The following GSTO2 variants were observed in gnomAD, a reference collection of about 807,000 sequenced individuals.
GSTO2 encodes glutathione S-transferase omega-2.
Under a neutral mutation model 28.4 loss-of-function variants are expected in GSTO2, and 23 were observed. The ratio of observed to expected loss-of-function variants is 0.81; its 90% CI spans 0.58 to 1.15. GSTO2 has a LOEUF of 1.15. Among genes scored for constraint, GSTO2 ranks in the 50% most tolerant of loss-of-function variants. The probability of loss-of-function intolerance (pLI) is 0.00; values close to 1 mark genes in which losing one functional copy is unlikely to be tolerated. For synonymous variants in GSTO2, 109 were observed against 111.0 expected, an observed-to-expected ratio of 0.98 and a Z score of 0.11; for missense variants, 298 against 297.8, an observed-to-expected ratio of 1.00 and a Z score of 0.00.
intron 1 of GSTO2, among the ~76,000 whole-genome samples, chr10:104,272,608 T>C: frequency 1.9e-5 from 1 of 52,436 alleles, no homozygotes; most frequent in Non-Finnish European, 4.3e-5. Flanking sequence ...TTTTTTTTTT[T>C]TTTTTTTTTT....
Position 104,279,861 on chromosome 10 carries a change from C to T in GSTO2, c.468+390C>T, listed in dbSNP as rs566542141. Among the ~76,000 whole-genome samples, 10 of 152,136 alleles carry T rather than the reference C, an allele frequency of 6.6e-5. No individual in the cohort carries two copies. The South Asian group carries it at 1.0e-3, about 16-fold the overall frequency. On this transcript the variant is annotated intron_variant, in intron 5 of 6. Coordinates refer to ENST00000338595, the MANE Select transcript of GSTO2 (RefSeq NM_183239.2). ...CTCTCTCACATAACATTCTTTCTCACGTATTATAAGGGTTTATTCTCACAC... is the reference window on the plus strand; with the variant it reads ...CTCTCTCACATAACATTCTTTCTCATGTATTATAAGGGTTTATTCTCACAC...
intron 1 of GSTO2, 87 bp from the exon 2 acceptor site, chr10:104,274,598 A>G: frequency 2.1e-6 from 1 of 469,344 alleles, no homozygotes; most frequent in Non-Finnish European, 3.7e-6. Flanking sequence ...CTTGATGTAG[A>G]GGAGGCCCCT....
At chr10:104,287,366 A>T (rs1359032357) in intron 5 of GSTO2, among the ~76,000 whole-genome samples, 1 of 152,212 alleles carries the variant, frequency 6.6e-6, no homozygotes, top group Non-Finnish European at 1.5e-5. Context: ...AATTTTTATA[A>T]ACTCTGTAAA....
At chr10:104,287,048 C>G (rs1351710170) in intron 5 of GSTO2, among the ~76,000 whole-genome samples, 1 of 152,102 alleles carries the variant, frequency 6.6e-6, no homozygotes, top group East Asian at 1.9e-4. Flanking sequence ...TAAATATTCC[C>G]CACACCCCCT....
chr10:104,300,904 C>T lies in GSTO2; in HGVS notation c.*1620C>T, dbSNP rs2013239310. ...TCTGCTGGCTCTGGGTATATTTTGA[C>T]CCATGTAAATAGTTACCAGGTGTTA... On this transcript the variant is annotated 3_prime_UTR_variant, in exon 7 of 7. Coordinates refer to ENST00000338595, the MANE Select transcript of GSTO2 (RefSeq NM_183239.2). The T allele has an allele frequency of 6.6e-6, 1 of 152,354 alleles. No individual in the cohort carries two copies. Among genetic ancestry groups the T allele is most frequent in the Non-Finnish European group, 1.5e-5 (1 of 68,150 alleles). The allele number at this position is 152,354 out of a possible 1,614,324, so 9.4% of individuals were successfully genotyped here. A position where few individuals can be genotyped will look rare whatever the true frequency, so the allele number is the denominator to read the frequency against.
At chr10:104,289,261 A>G (rs907765944) in intron 5 of GSTO2, among the ~76,000 whole-genome samples, 2 of 151,978 alleles carry the variant, frequency 1.3e-5, no homozygotes, top group Non-Finnish European at 2.9e-5. Context: ...TGCCTGGCTA[A>G]TTTTGTGTAT....
rs538213779 is a variant in GSTO2 at position 104,271,458 on chromosome 10, C to T, written c.-232+2189C>T. 6.6e-4 allele frequency among the ~76,000 whole-genome samples: 101 copies of T among 152,254 alleles called. 1 individual carries two copies. The South Asian group carries it at 9.6e-3, about 14-fold the overall frequency. Reference sequence around the variant, plus strand: ...TGACGATGCCCTGGACTATTTGATTCGATACTCACAATTCATAAAGTAGGT... The same window carrying T: ...TGACGATGCCCTGGACTATTTGATTTGATACTCACAATTCATAAAGTAGGT... On this transcript the variant is annotated intron_variant, in intron 1 of 6. Coordinates refer to ENST00000338595, the MANE Select transcript of GSTO2 (RefSeq NM_183239.2).
chr10:104,275,293 T>G lies in GSTO2; in HGVS notation c.102T>G (p.Tyr34Ter). Reference sequence around the variant, plus strand: ...TCTACAGCATGAGGTTCTGCCCCTATTCTCACAGGACCCGCCTCGTCCTCA... The same window carrying G: ...TCTACAGCATGAGGTTCTGCCCCTAGTCTCACAGGACCCGCCTCGTCCTCA... ...IRIYSMRFCP[Y>*]SHRTRLVLKA... is the part of the protein sequence containing the mutation. The change falls in exon 3 of 7, where the codon TAT becomes TAG. Residue 34 changes from tyrosine (Y) to a stop codon, truncating the protein, a stop_gained. Transcript: ENST00000338595. LOFTEE classifies it high-confidence loss of function. 6.2e-7 allele frequency: 1 copy of G among 1,614,084 alleles called. No homozygotes were observed. The highest frequency in any genetic ancestry group is 8.5e-7 in the Non-Finnish European group (1 of 1,179,994).
chr10:104,272,771 G>A (rs1355252402), intron 1 of GSTO2, among the ~76,000 whole-genome samples: 23 of 151,600 alleles, frequency 1.5e-4, no homozygotes, highest in African/African-American at 5.1e-4. Flanking sequence ...CTGCCACCGC[G>A]CCCGGCTAAT....
intron 5 of GSTO2, among the ~76,000 whole-genome samples, chr10:104,285,619 T>C (rs1416887147): frequency 3.3e-5 from 5 of 152,060 alleles, no homozygotes; most frequent in Non-Finnish European, 7.4e-5. Context: ...CCAACTGTTT[T>C]GTTTTTGTTT....
chr10:104,281,908 A>G lies in GSTO2; in HGVS notation c.468+2437A>G, dbSNP rs539926921. Among the ~76,000 whole-genome samples the G allele has an allele frequency of 2.2e-3, 337 of 152,242 alleles. 1 individual carries two copies. The highest frequency in any genetic ancestry group is 7.4e-3 in the African/African-American group (309 of 41,530). ...TTGACTCTTAGGATGAATTAGAGGC[A>G]CAAGGGTGAGAGCCTGGTGTGTTCG... On this transcript the variant is annotated intron_variant, in intron 5 of 6. Transcript: ENST00000338595.
intron 5 of GSTO2, among the ~76,000 whole-genome samples, chr10:104,281,605 T>G (rs2012046184): frequency 6.6e-6 from 1 of 152,202 alleles, no homozygotes; most frequent in African/African-American, 2.4e-5. Context: ...GTGCCATGAA[T>G]CGTGCTGCAG....
At chr10:104,294,693 A>C (rs1310560158) in intron 5 of GSTO2, among the ~76,000 whole-genome samples, 1 of 152,218 alleles carries the variant, frequency 6.6e-6, no homozygotes, top group Non-Finnish European at 1.5e-5. Context: ...GGGACTGGTG[A>C]AGGATCACCG....
At chr10:104,284,980 C>T (rs1589866339) in intron 5 of GSTO2, among the ~76,000 whole-genome samples, 1 of 152,022 alleles carries the variant, frequency 6.6e-6, no homozygotes, top group East Asian at 1.9e-4. Context: ...CTGAAATAGC[C>T]CTGAGGGATG....
chr10:104,288,048 C>T (rs546512995), intron 5 of GSTO2, among the ~76,000 whole-genome samples: 4 of 151,928 alleles, frequency 2.6e-5, no homozygotes, highest in South Asian at 4.2e-4. Flanking sequence ...CCACCACGCC[C>T]GGCTAATTTC....
intron 3 of GSTO2, 31 bp from the exon 4 acceptor site, chr10:104,277,863 G>T (rs1210747065): frequency 1.3e-6 from 2 of 1,488,032 alleles, no homozygotes; most frequent in Admixed American, 1.7e-5. Context: ...TCTCATTTTT[G>T]TTCTGTCTTG....
intron 5 of GSTO2, among the ~76,000 whole-genome samples, chr10:104,289,252 G>C (rs1291366067): frequency 6.6e-6 from 1 of 152,004 alleles, no homozygotes; most frequent in Admixed American, 6.6e-5. Flanking sequence ...GCACCACTAT[G>C]CCTGGCTAAT....
intron 1 of GSTO2, among the ~76,000 whole-genome samples, chr10:104,272,380 T>G (rs1188894362): frequency 6.6e-6 from 1 of 152,078 alleles, no homozygotes; most frequent in Non-Finnish European, 1.5e-5. Flanking sequence ...AAGCCTGAAA[T>G]ATTTAATATA....
rs1255471558 is a variant in GSTO2 at position 104,298,763 on chromosome 10, T to C, written c.576-365T>C. 2.6e-5 allele frequency among the ~76,000 whole-genome samples: 4 copies of C among 152,280 alleles called. No individual in the cohort carries two copies. In the East Asian group the frequency reaches 7.7e-4, roughly 29 times the overall value. ...AAAATCTGAGAATGACCCAAGAATA[T>C]TTGTTTCAGAGGGTTGTCTTTTTGT... On this transcript the variant is annotated intron_variant, in intron 6 of 6. Coordinates refer to ENST00000338595, the MANE Select transcript of GSTO2 (RefSeq NM_183239.2).
Sources: gnomAD v4.1 joint callset for allele counts (sites outside exome capture counted in the v4.1 genomes callset) on GRCh38, gnomAD v4.1.1 for gene constraint, MANE v1.5 for transcripts, NCBI Gene and HGNC (gene_info 2026-07-23, HGNC 2026-07-21) for gene names.